ATP6V0A4: variants seen among roughly 807,000 people sequenced by gnomAD.
ATP6V0A4 encodes the protein ATPase H+ transporting V0 subunit a4.
In ATP6V0A4, 86 loss-of-function variants were observed where a neutral mutation model predicts 107.3. That is an observed-to-expected ratio of 0.80 (90% confidence interval 0.67 to 0.96). The LOEUF is 0.96. Among genes scored for constraint, ATP6V0A4 ranks in the 40% least tolerant of loss-of-function variants. The probability of loss-of-function intolerance (pLI) is 0.00; values close to 1 mark genes in which losing one functional copy is unlikely to be tolerated. For synonymous variants in ATP6V0A4, 353 were observed against 381.4 expected (o/e 0.93, Z 0.87); for missense variants, 908 against 1,045.6 (o/e 0.87, Z 1.81).
chr7:138,796,869 C>T (rs1258340856), intron 1 of ATP6V0A4, among the ~76,000 whole-genome samples: 3 of 152,192 alleles, frequency 2.0e-5, no homozygotes, highest in Non-Finnish European at 4.4e-5. Context: ...CTTTTATATA[C>T]ATGTGGGTCT....
rs374981368 is a variant in ATP6V0A4, at chr7:138,718,465, G to A, written c.2140-2584C>T. On this transcript the variant is annotated intron_variant, in intron 19 of 21. Coordinates refer to ENST00000310018, the MANE Select transcript of ATP6V0A4 (RefSeq NM_020632.3). ...GAGGGAGACATCCAGGAAGGAATGG[G>A]GGGGATGGCGGGGAGGGTGCAGTCA... Among the ~76,000 whole-genome samples the A allele has an allele frequency of 3.6e-4, 39 of 108,520 alleles. No individual in the cohort carries two copies. In the East Asian group the frequency reaches 6.8e-3, roughly 19 times the overall value. The allele number at this position is 108,520 out of a possible 152,430, so 71.2% of individuals were successfully genotyped here. A position where few individuals can be genotyped will look rare whatever the true frequency, so the allele number is the denominator to read the frequency against.
intron 8 of ATP6V0A4, among the ~76,000 whole-genome samples, chr7:138,758,084 G>A (rs1008575525): frequency 2.0e-5 from 3 of 152,072 alleles, no homozygotes; most frequent in Admixed American, 6.6e-5. Context: ...GACCTTCGGC[G>A]TCCACGCTCA....
chr7:138,733,414 G>A (rs957678510), intron 16 of ATP6V0A4, among the ~76,000 whole-genome samples: 1 of 152,020 alleles, frequency 6.6e-6, no homozygotes, highest in Non-Finnish European at 1.5e-5. Flanking sequence ...TGCAGACCTA[G>A]CTCAGAGTTG....
intron 2 of ATP6V0A4, among the ~76,000 whole-genome samples, chr7:138,777,852 G>C (rs1807739942): frequency 6.6e-6 from 1 of 152,114 alleles, no homozygotes; most frequent in Non-Finnish European, 1.5e-5. Context: ...AGTTCTCTGG[G>C]TTTTCTTGTT....
chr7:138,760,268 A>AC (rs1365720541), intron 7 of ATP6V0A4, among the ~76,000 whole-genome samples: 1 of 151,934 alleles, frequency 6.6e-6, no homozygotes, highest in African/African-American at 2.4e-5. Flanking sequence ...ACATGCTGAA[A>AC]CCCCATCTCT....
chr7:138,749,583 G>A (rs947981012), intron 11 of ATP6V0A4, among the ~76,000 whole-genome samples: 5 of 152,110 alleles, frequency 3.3e-5, no homozygotes, highest in African/African-American at 4.8e-5. Flanking sequence ...CTGTAAATGC[G>A]AATGTTATGA....
chr7:138,734,829 A>C lies in ATP6V0A4; in HGVS notation c.1573-575T>G, dbSNP rs539933324. Among the ~76,000 whole-genome samples, 4 of 152,068 alleles carry C rather than the reference A, an allele frequency of 2.6e-5. No individual in the cohort carries two copies. In the South Asian group the frequency reaches 8.3e-4, roughly 32 times the overall value. On this transcript the variant is annotated intron_variant, in intron 15 of 21. Coordinates refer to ENST00000310018, the MANE Select transcript of ATP6V0A4 (RefSeq NM_020632.3). ...AAAGCTAATCTGAGCCATTACGGCA[A>C]GATCTCAAACTTGCCTCAGTTTCCT... is the stretch of plus-strand genomic sequence containing the variant.
In ATP6V0A4 at chr7:138,755,778, GA is replaced by G; in HGVS notation, c.726del (p.Arg243GlufsTer23). ...TCTGGGCAAGGGTAGACAGTGGCTCGAAACCTGTGTTTAATATATTCCAAAG... is the reference window on the plus strand; with the variant it reads ...TCTGGGCAAGGGTAGACAGTGGCTCGAACCTGTGTTTAATATATTCCAAAG... ...RQKIKKICDG[F>X]RATVYPCPEP... On this transcript the variant is annotated frameshift_variant, in exon 10 of 22. Coordinates refer to ENST00000310018, the MANE Select transcript of ATP6V0A4 (RefSeq NM_020632.3). LOFTEE classifies it high-confidence loss of function. 6.2e-7 allele frequency: 1 copy of G among 1,612,686 alleles called. No individual in the cohort carries two copies. The highest frequency in any genetic ancestry group is 8.5e-7 in the Non-Finnish European group (1 of 1,179,994).
At chr7:138,730,931 C>CTTCT (rs1554392929) in intron 17 of ATP6V0A4, among the ~76,000 whole-genome samples, 206 of 123,742 alleles carry the variant, frequency 1.7e-3, no homozygotes, top group South Asian at 4.3e-3. Context: ...TCTTCTTCTT[C>CTTCT]TTTTTTTATT....
At chr7:138,788,338 G>A (rs932302278) in intron 1 of ATP6V0A4, among the ~76,000 whole-genome samples, 5 of 152,194 alleles carry the variant, frequency 3.3e-5, no homozygotes, top group Non-Finnish European at 7.3e-5. Flanking sequence ...AGTAATTGTA[G>A]GGAACCAGAA....
chr7:138,788,575 G>A (rs1563023084), intron 1 of ATP6V0A4, among the ~76,000 whole-genome samples: 1 of 152,172 alleles, frequency 6.6e-6, no homozygotes, highest in East Asian at 1.9e-4. Flanking sequence ...GTCAAATGCA[G>A]CTATACCAAA....
At chr7:138,734,096 G>T in intron 16 of ATP6V0A4, 40 bp downstream of exon 16, 1 of 1,569,996 alleles carries the variant, frequency 6.4e-7, no homozygotes, top group South Asian at 1.1e-5. Flanking sequence ...TCATCAGTGT[G>T]ATCAGACAGA....
At chr7:138,766,201 T>TA in intron 5 of ATP6V0A4, among the ~76,000 whole-genome samples, 1 of 71,112 alleles carries the variant, frequency 1.4e-5, no homozygotes, top group Non-Finnish European at 2.7e-5. Context: ...CATGTTATTA[T>TA]TATTTTTTTT....
intron 10 of ATP6V0A4, among the ~76,000 whole-genome samples, chr7:138,754,217 G>T (rs1012849829): frequency 2.0e-5 from 3 of 152,120 alleles, no homozygotes; most frequent in African/African-American, 7.2e-5. Context: ...GGGAGGATGA[G>T]GTGGGTGGAT....
chr7:138,751,334 G>A (rs1476671499), intron 11 of ATP6V0A4, among the ~76,000 whole-genome samples: 1 of 152,200 alleles, frequency 6.6e-6, no homozygotes, highest in Non-Finnish European at 1.5e-5. Context: ...CGCATGGCGT[G>A]CGGTGTCCTT....
intron 18 of ATP6V0A4, among the ~76,000 whole-genome samples, chr7:138,727,436 C>G (rs978276309): frequency 6.6e-6 from 1 of 152,230 alleles, no homozygotes; most frequent in Admixed American, 6.5e-5. Context: ...GTTAACCAAA[C>G]AATAACCAAG....
chr7:138,773,516 C>T lies in ATP6V0A4; in HGVS notation c.-17-2252G>A, dbSNP rs1367246457. Among the ~76,000 whole-genome samples the T allele has an allele frequency of 6.6e-6, 1 of 152,218 alleles. No homozygotes were observed. Among genetic ancestry groups the T allele is most frequent in the Non-Finnish European group, 1.5e-5 (1 of 68,038 alleles). On this transcript the variant is annotated intron_variant, in intron 2 of 21. Transcript: ENST00000310018. The surrounding 1 kb of genome is among the most constrained non-coding windows in gnomAD (Gnocchi z 5.4). ...TTTAACTGCCTGGATTCCCCACACACAAACCAGTGAAGTCCACGAGGCTAG... is the reference window on the plus strand; with the variant it reads ...TTTAACTGCCTGGATTCCCCACACATAAACCAGTGAAGTCCACGAGGCTAG...
chr7:138,740,521 C>T (rs915493465), intron 14 of ATP6V0A4, among the ~76,000 whole-genome samples: 3 of 149,702 alleles, frequency 2.0e-5, no homozygotes, highest in African/African-American at 4.9e-5. Context: ...CCGCCACCCC[C>T]ACCCCCCAAC....
chr7:138,733,247 A>G (rs1374270114), intron 16 of ATP6V0A4, 154 bp from the exon 17 acceptor site: 1 of 777,048 alleles, frequency 1.3e-6, no homozygotes, highest in African/African-American at 2.0e-5. Context: ...CCCAGCAAAC[A>G]GCAATCCTGT....
Sources: gnomAD v4.1 joint callset for allele counts (sites outside exome capture counted in the v4.1 genomes callset) on GRCh38, gnomAD v4.1.1 for gene constraint, Gnocchi (gnomAD v3.1) non-coding constraint, MANE v1.5 for transcripts, NCBI Gene and HGNC (gene_info 2026-07-23, HGNC 2026-07-21) for gene names.